The following MEIG1 variants were observed in gnomAD, a reference collection of about 807,000 sequenced individuals.
MEIG1 encodes meiosis/spermiogenesis associated 1.
MEIG1 carries 12 observed loss-of-function variants against 11.3 expected under a neutral mutation model. The ratio of observed to expected loss-of-function variants is 1.07; its 90% confidence interval spans 0.68 to 1.73. The LOEUF (loss-of-function observed/expected upper bound fraction) is 1.73, where lower values mean the gene tolerates loss of function less well. MEIG1 is among the 40% of genes most tolerant of loss of function. The pLI is 0.00. For missense variants in MEIG1, 119 were observed against 104.9 expected (o/e 1.13, Z -0.59); for synonymous variants, 41 against 33.2 (o/e 1.24, Z -0.81).
At chr10:14,981,487 A>G (rs1843262299) in intron 1 of MEIG1, among the ~76,000 whole-genome samples, 1 of 151,742 alleles carries the variant, frequency 6.6e-6, no homozygotes, top group South Asian at 2.1e-4. Context: ...CTTTGCGGAA[A>G]CCCCCGTGGC....
At chr10:14,969,064 G>C (rs550406930) in intron 2 of MEIG1, among the ~76,000 whole-genome samples, 2 of 151,984 alleles carry the variant, frequency 1.3e-5, no homozygotes, top group South Asian at 4.2e-4. Context: ...GGCAACAAGA[G>C]TGAAACTCCA....
chr10:14,960,580 G>A (rs1241948312), intron 1 of MEIG1, among the ~76,000 whole-genome samples: 3 of 151,914 alleles, frequency 2.0e-5, no homozygotes, highest in Admixed American at 6.6e-5. Context: ...CACGATGCCC[G>A]GCTAATTTTT....
intron 2 of MEIG1, chr10:14,970,636 T>C (rs1843137874): frequency 1.3e-5 from 2 of 152,248 alleles, no homozygotes; most frequent in Admixed American, 1.3e-4. Context: ...TGCCAAGGCT[T>C]CTCAGATATG....
chr10:14,984,559 A>G (rs973162389), intron 1 of MEIG1, among the ~76,000 whole-genome samples: 2 of 152,052 alleles, frequency 1.3e-5, no homozygotes, highest in African/African-American at 4.8e-5. Flanking sequence ...TTATTGTCAC[A>G]CGGGGAAGTT....
chr10:14,976,531 A>C (rs1364825804), downstream of MEIG1, among the ~76,000 whole-genome samples: 1 of 152,020 alleles, frequency 6.6e-6, no homozygotes, highest in African/African-American at 2.4e-5. Flanking sequence ...ACACCTTGTC[A>C]AATCACTCGT....
At chr10:14,955,996 G>C (rs551088695), upstream of MEIG1, among the ~76,000 whole-genome samples, 1 of 152,176 alleles carries the variant, frequency 6.6e-6, no homozygotes, top group Non-Finnish European at 1.5e-5. Flanking sequence ...AGAATCTCAC[G>C]GTAGAGCTCC....
downstream of MEIG1, among the ~76,000 whole-genome samples, chr10:14,975,053 A>T (rs1843196225): frequency 6.6e-6 from 1 of 151,742 alleles, no homozygotes; most frequent in Non-Finnish European, 1.5e-5. Flanking sequence ...GGTGATATTG[A>T]TCCGAATCTC....
chr10:14,981,140 A>C lies in MEIG1; in HGVS notation n.67-5656A>C, dbSNP rs571152611. ...TGGTGACCGGGTCCTGTTTTTGCCT[A>C]AGCGGCTGGGCCCCAGTCTTAACTG... is the stretch of plus-strand genomic sequence containing the variant. On this transcript the variant is annotated intron_variant and non_coding_transcript_variant, in intron 1 of 2. Transcript: ENST00000467536. Among the ~76,000 whole-genome samples, 6 of 151,908 alleles carry C rather than the reference A, an allele frequency of 3.9e-5. No homozygotes were observed. In the South Asian group the frequency reaches 1.2e-3, roughly 32 times the overall value.
At chr10:14,957,983 GT>G (rs1181609283), upstream of MEIG1, among the ~76,000 whole-genome samples, 1 of 152,192 alleles carries the variant, frequency 6.6e-6, no homozygotes, top group Non-Finnish European at 1.5e-5. Context: ...TGACTGTTGT[GT>G]TGACAACAGA....
intron 2 of MEIG1, among the ~76,000 whole-genome samples, chr10:14,968,547 G>A (rs1293462079): frequency 2.0e-5 from 3 of 151,838 alleles, no homozygotes; most frequent in Non-Finnish European, 4.4e-5. Flanking sequence ...AAATAATGGA[G>A]GCAATACGGA....
At chr10:14,956,330 A>G (rs1842950997), upstream of MEIG1, among the ~76,000 whole-genome samples, 1 of 151,988 alleles carries the variant, frequency 6.6e-6, no homozygotes, top group African/African-American at 2.4e-5. Context: ...TATAATCCCA[A>G]CACTTTGGGA....
At chr10:14,974,856 A>G (rs977849011), downstream of MEIG1, among the ~76,000 whole-genome samples, 2 of 152,030 alleles carry the variant, frequency 1.3e-5, no homozygotes, top group African/African-American at 4.8e-5. Context: ...ATGAGCAATG[A>G]TTTCTTAATA....
chr10:14,979,407 T>C (rs1322219596), intron 1 of MEIG1, among the ~76,000 whole-genome samples: 2 of 151,546 alleles, frequency 1.3e-5, no homozygotes, highest in Non-Finnish European at 2.9e-5. Context: ...CAGGTGTGTA[T>C]GCCCTGGGAT....
intron 1 of MEIG1, among the ~76,000 whole-genome samples, chr10:14,980,858 G>A (rs1461168981): frequency 6.6e-6 from 1 of 152,130 alleles, no homozygotes; most frequent in Non-Finnish European, 1.5e-5. Context: ...GAAAGAAAGC[G>A]TCTTTCAGGT....
rs191418136 is a variant in MEIG1 at position 14,960,208 on chromosome 10, G to C, written c.-30+651G>C. 1.3e-3 allele frequency among the ~76,000 whole-genome samples: 198 copies of C among 152,288 alleles called. 1 individual carries two copies. The highest frequency in any genetic ancestry group is 7.5e-3 in the Admixed American group (114 of 15,286). On this transcript the variant is annotated intron_variant, in intron 1 of 2. Coordinates refer to ENST00000407572, the MANE Select transcript of MEIG1 (RefSeq NM_001080836.3). ...ACGTGCTGGTTACAGGGCTCCTCCT[G>C]CTGCCTCTTAAGAACAGAAATAATC... is the stretch of plus-strand genomic sequence containing the variant.
intron 1 of MEIG1, among the ~76,000 whole-genome samples, chr10:14,964,055 G>A (rs1285412058): frequency 2.1e-5 from 3 of 146,296 alleles, no homozygotes; most frequent in Admixed American, 7.0e-5. Context: ...CCGAGATCGC[G>A]CCTCTGCACT....
chr10:14,987,612 C>G (rs1266033902), intron 2 of MEIG1: 12 of 525,360 alleles, frequency 2.3e-5, no homozygotes, highest in South Asian at 2.1e-5. Flanking sequence ...AGAATTTTTA[C>G]GTGATTTACT....
chr10:14,981,191 C>T (rs1843259216), intron 1 of MEIG1, among the ~76,000 whole-genome samples: 2 of 148,962 alleles, frequency 1.3e-5, no homozygotes, highest in African/African-American at 5.1e-5. Flanking sequence ...TTGTCTTCCG[C>T]CCGTACTCTT....
intron 2 of MEIG1, chr10:14,987,627 A>T (rs1308679073): frequency 4.0e-6 from 2 of 504,954 alleles, no homozygotes; most frequent in African/African-American, 3.9e-5. Flanking sequence ...TTTACTTTTT[A>T]GCTATACGAG....
Sources: allele counts gnomAD v4.1 joint callset (sites outside exome capture counted in the v4.1 genomes callset), GRCh38; gene constraint gnomAD v4.1.1; transcripts MANE v1.5; gene names NCBI Gene and HGNC (gene_info 2026-07-23, HGNC 2026-07-21).